Variants in TTLL11 observed in about 807,000 individuals in gnomAD.
TTLL11 encodes tubulin tyrosine ligase like 11.
In TTLL11, 42 loss-of-function variants were observed where a neutral mutation model predicts 51.7. The ratio of observed to expected loss-of-function variants is 0.81; its 90% CI spans 0.64 to 1.05. The LOEUF (loss-of-function observed/expected upper bound fraction) is 1.05, where lower values mean the gene tolerates loss of function less well. Among genes scored for constraint, TTLL11 ranks in the 50% least tolerant of loss-of-function variants. TTLL11 has a pLI of 0.00. For missense variants in TTLL11, 799 were observed against 940.4 expected (o/e 0.85, Z 1.97); for synonymous variants, 381 against 383.5 (o/e 0.99, Z 0.08).
At chr9:121,933,398 A>G (rs1314876906) in intron 6 of TTLL11, among the ~76,000 whole-genome samples, 1 of 152,158 alleles carries the variant, frequency 6.6e-6, no homozygotes, top group African/African-American at 2.4e-5. Flanking sequence ...GAAGAGAGTC[A>G]GGCTGGAGTA....
At chr9:122,012,288 T>A (rs536028283) in intron 3 of TTLL11, among the ~76,000 whole-genome samples, 1 of 152,048 alleles carries the variant, frequency 6.6e-6, no homozygotes, top group Non-Finnish European at 1.5e-5. Context: ...TTTTGCAAAA[T>A]GAAATGAAAG....
At chr9:121,971,742 T>A (rs1842583243) in intron 6 of TTLL11, among the ~76,000 whole-genome samples, 1 of 60,554 alleles carries the variant, frequency 1.7e-5, no homozygotes, top group Non-Finnish European at 4.7e-5. Context: ...TTCCTCTGCC[T>A]TGGGAAAAAA....
intron 8 of TTLL11, among the ~76,000 whole-genome samples, chr9:121,852,061 GT>G (rs1416254190): frequency 6.6e-6 from 1 of 152,186 alleles, no homozygotes; most frequent in Non-Finnish European, 1.5e-5. Context: ...GCTGGCCCCT[GT>G]TCTGCCCCTG....
At chr9:121,845,694 T>C (rs1837496915) in intron 8 of TTLL11, among the ~76,000 whole-genome samples, 1 of 152,168 alleles carries the variant, frequency 6.6e-6, no homozygotes, top group South Asian at 2.1e-4. Context: ...AGGGGTATAG[T>C]GTTATTTGAA....
intron 6 of TTLL11, among the ~76,000 whole-genome samples, chr9:121,934,594 T>A (rs1422728980): frequency 6.6e-6 from 1 of 152,230 alleles, no homozygotes; most frequent in Non-Finnish European, 1.5e-5. Context: ...CAGGAACATG[T>A]CTACAAATGT....
intron 6 of TTLL11, among the ~76,000 whole-genome samples, chr9:121,873,202 T>G (rs992353252): frequency 1.9e-4 from 29 of 152,178 alleles, no homozygotes; most frequent in Non-Finnish European, 2.9e-5. Flanking sequence ...GGTGGTCATC[T>G]GCTCTTCACT....
chr9:122,037,231 C>T (rs1844727741), intron 2 of TTLL11, among the ~76,000 whole-genome samples: 1 of 152,164 alleles, frequency 6.6e-6, no homozygotes, highest in Non-Finnish European at 1.5e-5. Context: ...ACTGTATTCT[C>T]CCAATATCCT....
rs912781842 is a variant in TTLL11, at chr9:121,995,931, G to A, written c.694-6161C>T. Among the ~76,000 whole-genome samples, 12 of 152,168 alleles carry A rather than the reference G, an allele frequency of 7.9e-5. No individual in the cohort carries two copies. Among genetic ancestry groups the A allele is most frequent in the Non-Finnish European group, 1.5e-4 (10 of 68,026 alleles). On this transcript the variant is annotated intron_variant, in intron 3 of 8. Coordinates refer to ENST00000321582, the MANE Select transcript of TTLL11 (RefSeq NM_001139442.2). The surrounding 1 kb of genome is among the most constrained non-coding windows in gnomAD (Gnocchi z 4.4). ...GCTCCGTGGTGAGCGCGGGAACCAC[G>A]GGCCCGTGAGAAGTAGTGCCTGCCA...
rs1220929465 is a variant in TTLL11 at position 121,989,459 on chromosome 9, C to G, written c.1005G>C (p.Leu335=). The G allele has an allele frequency of 6.2e-7, 1 of 1,614,152 alleles. No homozygotes were observed. The highest frequency in any genetic ancestry group is 1.7e-5 in the Admixed American group (1 of 60,020). The change falls in exon 4 of 9, where the codon CTG becomes CTC. Residue 335 remains leucine (L), a synonymous_variant. Transcript: ENST00000321582. This position sits in a 1 kb window ranked among gnomAD's most constrained non-coding sequence, Gnocchi z 4.2. ...TGGTTAAGTGCATAAAGATGCGGTG[C>G]AGGTTTTTGGGGGTGGGCTCCTGAT... The part of the protein sequence containing the change: ...EPYQEPTPKN[L]HRIFMHLTNY...
chr9:122,003,430 G>A (rs1843541549), intron 3 of TTLL11, among the ~76,000 whole-genome samples: 1 of 145,090 alleles, frequency 6.9e-6, no homozygotes, highest in Non-Finnish European at 1.6e-5. Flanking sequence ...CAATTAATCT[G>A]TGAGACCATT....
At chr9:121,994,887 C>T (rs1843209251) in intron 3 of TTLL11, among the ~76,000 whole-genome samples, 1 of 152,090 alleles carries the variant, frequency 6.6e-6, no homozygotes, top group Non-Finnish European at 1.5e-5. Flanking sequence ...GAGGGAAGGA[C>T]AGAGGTTTGG....
At chr9:122,006,703 G>A (rs189051409) in intron 3 of TTLL11, among the ~76,000 whole-genome samples, 18 of 152,112 alleles carry the variant, frequency 1.2e-4, no homozygotes, top group Middle Eastern at 3.4e-3. Context: ...GAGCTTTTCT[G>A]GCCACATGTG....
At chr9:121,928,132 C>T (rs577714808) in intron 6 of TTLL11, among the ~76,000 whole-genome samples, 25 of 152,190 alleles carry the variant, frequency 1.6e-4, no homozygotes, top group African/African-American at 5.5e-4. Context: ...GGCTACGGGA[C>T]GCATGGCCAT....
chr9:121,908,551 T>C (rs1267991388), intron 6 of TTLL11, among the ~76,000 whole-genome samples: 5 of 152,242 alleles, frequency 3.3e-5, no homozygotes, highest in Admixed American at 6.5e-5. Context: ...AGCCCTGCGC[T>C]GGGAATTCAT....
intron 1 of TTLL11, among the ~76,000 whole-genome samples, chr9:122,057,754 C>T (rs1246607178): frequency 1.3e-5 from 2 of 152,216 alleles, no homozygotes; most frequent in Admixed American, 6.5e-5. Flanking sequence ...TATTTATAAA[C>T]ACACCTCTCC....
At chr9:121,920,172 G>A (rs758274132) in intron 6 of TTLL11, among the ~76,000 whole-genome samples, 7 of 152,082 alleles carry the variant, frequency 4.6e-5, no homozygotes, top group African/African-American at 1.2e-4. Context: ...GTGTGGTGGC[G>A]CATGCCTATA....
intron 8 of TTLL11, among the ~76,000 whole-genome samples, chr9:121,848,943 C>T (rs1440863160): frequency 6.6e-6 from 1 of 152,148 alleles, no homozygotes; most frequent in Non-Finnish European, 1.5e-5. Context: ...GCAAACATAA[C>T]ACTGAAGAAG....
chr9:121,844,957 G>A (rs942364965), intron 8 of TTLL11, among the ~76,000 whole-genome samples: 7 of 152,064 alleles, frequency 4.6e-5, no homozygotes, highest in East Asian at 1.9e-4. Context: ...ATTTGAAGCC[G>A]TAATATTTGA....
intron 8 of TTLL11, among the ~76,000 whole-genome samples, chr9:121,840,011 G>A (rs1837303183): frequency 6.6e-6 from 1 of 152,224 alleles, no homozygotes; most frequent in Non-Finnish European, 1.5e-5. Flanking sequence ...AGAGAGAAGA[G>A]AAATGCTCTT....
Sources: allele counts gnomAD v4.1 joint callset (sites outside exome capture counted in the v4.1 genomes callset), GRCh38; gene constraint gnomAD v4.1.1; non-coding constraint Gnocchi (gnomAD v3.1); transcripts MANE v1.5; gene names NCBI Gene and HGNC (gene_info 2026-07-23, HGNC 2026-07-21).